Variants in WNK4 observed in about 807,000 individuals in gnomAD.
The protein encoded by WNK4 is serine/threonine-protein kinase WNK4.
In WNK4, 94 loss-of-function variants were observed where a neutral mutation model predicts 116.2. The observed-to-expected ratio is 0.81, with a 90% CI of 0.68 to 0.96. The LOEUF is 0.96. WNK4 is among the 40% of genes least tolerant of loss of function. WNK4 has a pLI of 0.00. For missense variants in WNK4, 1,542 were observed against 1,650.6 expected (o/e 0.93, Z 1.14); for synonymous variants, 655 against 672.7 (o/e 0.97, Z 0.41).
Position 42,796,558 on chromosome 17 carries a change from GC to G in WNK4, c.3711del (p.Asp1239MetfsTer29), listed in dbSNP as rs776464951. The G allele has an allele frequency of 3.1e-6, 5 of 1,614,188 alleles. No individual in the cohort carries two copies. Among genetic ancestry groups the G allele is most frequent in the Non-Finnish European group, 4.2e-6 (5 of 1,179,996 alleles). ...EQRASKGVTFAGDVGRM is the reference protein window; with the variant it reads ...EQRASKGVTFXGDVGRM Reference sequence around the variant, plus strand: ...GCGGGCAAGCAAGGGGGTGACATTCGCCGGGGATGTTGGCAGGATGGTGAGG... The same window carrying G: ...GCGGGCAAGCAAGGGGGTGACATTCGCGGGGATGTTGGCAGGATGGTGAGG... On this transcript the variant is annotated frameshift_variant, in exon 18 of 19. Coordinates refer to ENST00000246914, the MANE Select transcript of WNK4 (RefSeq NM_032387.5). LOFTEE classifies it high-confidence loss of function.
At chr17:42,793,902 G>T (rs2054632810) in intron 12 of WNK4, 173 bp downstream of exon 12, 1 of 769,272 alleles carries the variant, frequency 1.3e-6, no homozygotes, top group Non-Finnish European at 2.1e-6. Flanking sequence ...GCCCAGGCTG[G>T]AGTGCAGTGG....
chr17:42,793,953 C>T (rs756960034), intron 12 of WNK4: 6 of 506,090 alleles, frequency 1.2e-5, no homozygotes, highest in South Asian at 3.6e-5. Flanking sequence ...CCCGGGTTCA[C>T]GCCATTCTCC....
chr17:42,787,431 G>A lies in WNK4; in HGVS notation c.1630G>A (p.Val544Met), dbSNP rs778257029. The change falls in exon 7 of 19, where the codon GTG (valine) becomes ATG (methionine). Residue 544 changes from valine (V) to methionine (M), a missense_variant. Transcript: ENST00000246914. ...PPEPGPPPATVPMAPGPPSVF... is the reference protein window; with the variant it reads ...PPEPGPPPATMPMAPGPPSVF... ...AGAGCCAGGACCTCCACCAGCAACT[G>A]TGCCCATGGCCCCCGGTCCCCCCAG... 1 of 1,614,138 alleles carries A rather than the reference G, an allele frequency of 6.2e-7. No homozygotes were observed. The highest frequency in any genetic ancestry group is 2.2e-5 in the East Asian group (1 of 44,870).
intron 11 of WNK4, among the ~76,000 whole-genome samples, chr17:42,790,013 A>AT (rs1180673059): frequency 2.6e-5 from 4 of 152,064 alleles, no homozygotes; most frequent in African/African-American, 9.7e-5. Context: ...TCAAAAAAAA[A>AT]CAAAAACAAA....
chr17:42,782,384 G>A lies in WNK4; in HGVS notation c.619-374G>A, dbSNP rs541148776. ...TGCCGGCCCCAATTCCCTGCCCGCAGTATCCTGCTGCCCGCCTGCTGCCTG... is the reference window on the plus strand; with the variant it reads ...TGCCGGCCCCAATTCCCTGCCCGCAATATCCTGCTGCCCGCCTGCTGCCTG... On this transcript the variant is annotated intron_variant, in intron 1 of 18. Coordinates refer to ENST00000246914, the MANE Select transcript of WNK4 (RefSeq NM_032387.5). This position sits in a 1 kb window ranked among gnomAD's most constrained non-coding sequence, Gnocchi z 4.2. Among the ~76,000 whole-genome samples, 48 of 152,354 alleles carry A rather than the reference G, an allele frequency of 3.2e-4. No homozygotes were observed. The highest frequency in any genetic ancestry group is 1.2e-3 in the African/African-American group (48 of 41,586).
At position 42,784,707 on chromosome 17, in the gene WNK4, A is replaced by T; in HGVS notation, c.1170+128A>T. The stretch of plus-strand genomic sequence containing the variant: ...GCTAGACACAGAGTCGCCTTGGTGA[A>T]CACAGAAGGATATTGAGTGCACACG... On this transcript the variant is annotated intron_variant, in intron 4 of 18. Coordinates refer to ENST00000246914, the MANE Select transcript of WNK4 (RefSeq NM_032387.5). The surrounding 1 kb of genome is among the most constrained non-coding windows in gnomAD (Gnocchi z 4.4). 8.1e-7 allele frequency: 1 copy of T among 1,229,648 alleles called. No individual in the cohort carries two copies. Among genetic ancestry groups the T allele is most frequent in the Non-Finnish European group, 1.2e-6 (1 of 864,448 alleles). 76.2% of individuals were successfully genotyped at this position (1,229,648 alleles called of 1,614,324 possible).
rs1162911894 is a variant in WNK4, at chr17:42,794,864, A to G, written c.2443A>G (p.Asn815Asp). 1 of 1,613,604 alleles carries G rather than the reference A, an allele frequency of 6.2e-7. No individual in the cohort carries two copies. The highest frequency in any genetic ancestry group is 1.3e-5 in the African/African-American group (1 of 74,848). ...SSPGTPLSPGNPFSPGTPISP... is the reference protein window; with the variant it reads ...SSPGTPLSPGDPFSPGTPISP... ...TCCTGGAACTCCTTTGTCTCCTGGAAACCCATTTTCCCCTGGAACCCCCAT... is the reference window on the plus strand; with the variant it reads ...TCCTGGAACTCCTTTGTCTCCTGGAGACCCATTTTCCCCTGGAACCCCCAT... The change falls in exon 14 of 19, where the codon AAC (asparagine) becomes GAC (aspartate). Residue 815 changes from asparagine to aspartate, a missense_variant. Coordinates refer to ENST00000246914, the MANE Select transcript of WNK4 (RefSeq NM_032387.5).
At chr17:42,791,837 G>A (rs922593515) in intron 11 of WNK4, among the ~76,000 whole-genome samples, 1 of 151,526 alleles carries the variant, frequency 6.6e-6, no homozygotes, top group East Asian at 1.9e-4. Context: ...GGCAGTCCCA[G>A]CTACTCAAGA....
chr17:42,794,103 C>G (rs2054635950), intron 12 of WNK4: 1 of 334,356 alleles, frequency 3.0e-6, no homozygotes, highest in African/African-American at 2.2e-5. Context: ...ATCCGCCCTC[C>G]TCGGCCTCCC....
rs769629121 is a variant in WNK4 at position 42,788,810 on chromosome 17, G to C, written c.2157+13G>C. On this transcript the variant is annotated intron_variant, in intron 11 of 18. Coordinates refer to ENST00000246914, the MANE Select transcript of WNK4 (RefSeq NM_032387.5). ...TGCAGCTGCCATGGTGAGGGGGAGA[G>C]AGATGAGGACAGAGTGTTTGGATCT... 96 of 1,596,280 alleles carry C rather than the reference G, an allele frequency of 6.0e-5. No homozygotes were observed. Among genetic ancestry groups the C allele is most frequent in the Non-Finnish European group, 7.9e-5 (92 of 1,163,888 alleles).
chr17:42,787,404 C>G lies in WNK4; in HGVS notation c.1603C>G (p.Pro535Ala). 6.2e-7 allele frequency: 1 copy of G among 1,614,206 alleles called. No individual in the cohort carries two copies. The highest frequency in any genetic ancestry group is 8.5e-7 in the Non-Finnish European group (1 of 1,180,032). The change falls in exon 7 of 19, where the codon CCA (proline) becomes GCA (alanine). Residue 535 changes from proline to alanine, a missense_variant. Transcript: ENST00000246914. ...AGCAAGGGAATTGGAGGCACTCCCACCAGAGCCAGGACCTCCACCAGCAAC... is the reference window on the plus strand; with the variant it reads ...AGCAAGGGAATTGGAGGCACTCCCAGCAGAGCCAGGACCTCCACCAGCAAC... ...RKARELEALP[P>A]EPGPPPATVP...
Position 42,780,941 on chromosome 17 carries a change from G to A in WNK4, c.243G>A (p.Pro81=). ...SSWSLPASPA[P]DPPDPPDSAG... ...GGTCCCTGCCAGCCTCACCCGCTCC[G>A]GACCCCCCCGATCCTCCGGACTCCG... The change falls in exon 1 of 19, where the codon CCG becomes CCA. Residue 81 remains proline, a synonymous_variant. Coordinates refer to ENST00000246914, the MANE Select transcript of WNK4 (RefSeq NM_032387.5). The A allele has an allele frequency of 1.9e-6, 3 of 1,609,938 alleles. No individual in the cohort carries two copies. The highest frequency in any genetic ancestry group is 2.2e-5 in the East Asian group (1 of 44,878).
intron 2 of WNK4, chr17:42,783,477 G>A (rs932912875): frequency 2.0e-5 from 6 of 296,552 alleles, no homozygotes; most frequent in Non-Finnish European, 3.9e-5. Flanking sequence ...CTAAGCTCCA[G>A]ACACACCAAA....
intron 7 of WNK4, 88 bp from the exon 8 acceptor site, chr17:42,787,690 C>T: frequency 6.3e-7 from 1 of 1,598,896 alleles, no homozygotes; most frequent in Non-Finnish European, 8.5e-7. Flanking sequence ...CCCACAGCTC[C>T]AGGCCCCTCC....
In WNK4 at chr17:42,780,855, C is replaced by A. The variant is rs1273529123; in HGVS notation, c.157C>A (p.Arg53=). ...CCGCTTCTCCGGGAAGGCTGAGCCC[C>A]GGCCGCGCTCTTCTCGTCTCAGCCG... ...ARRFSGKAEP[R]PRSSRLSRRS... Residue 53 remains arginine, a synonymous_variant, in exon 1 of 19, where the codon CGG becomes AGG. Coordinates refer to ENST00000246914, the MANE Select transcript of WNK4 (RefSeq NM_032387.5). 1 of 1,602,890 alleles carries A rather than the reference C, an allele frequency of 6.2e-7. No homozygotes were observed. Among genetic ancestry groups the A allele is most frequent in the South Asian group, 1.1e-5 (1 of 91,010 alleles).
chr17:42,786,554 A>G (rs536368237), intron 6 of WNK4, among the ~76,000 whole-genome samples: 6 of 152,262 alleles, frequency 3.9e-5, no homozygotes, highest in South Asian at 2.1e-4. Flanking sequence ...CACAACGCCC[A>G]GCTAATTTTT....
chr17:42,784,283 G>A lies in WNK4; in HGVS notation c.1012+126G>A. ...AACTACCAGACGACAGGGAAGCTGA[G>A]GAGACCTATGGCACCCACCTCAACC... On this transcript the variant is annotated intron_variant, in intron 3 of 18. Coordinates refer to ENST00000246914, the MANE Select transcript of WNK4 (RefSeq NM_032387.5). The surrounding 1 kb of genome is among the most constrained non-coding windows in gnomAD (Gnocchi z 4.4). The A allele has an allele frequency of 2.6e-6, 4 of 1,537,196 alleles. No homozygotes were observed. Among genetic ancestry groups the A allele is most frequent in the Non-Finnish European group, 3.6e-6 (4 of 1,122,040 alleles).
In WNK4 at chr17:42,788,727, A is replaced by G. The variant is rs1336391677; in HGVS notation, c.2087A>G (p.His696Arg). Residue 696 changes from histidine to arginine, a missense_variant, in exon 11 of 19, where the codon CAT (histidine) becomes CGT (arginine). By Grantham distance (29) the His-to-Arg change is conservative. Coordinates refer to ENST00000246914, the MANE Select transcript of WNK4 (RefSeq NM_032387.5). Reference sequence around the variant, plus strand: ...GTGGTTGAGTGCCAGCTACAGACCCATAACAGCAAGATGGTGACCTTCCGA... The same window carrying G: ...GTGGTTGAGTGCCAGCTACAGACCCGTAACAGCAAGATGGTGACCTTCCGA... The part of the protein sequence containing the change: ...DRVVECQLQT[H>R]NSKMVTFRFD... 5 of 1,614,050 alleles carry G rather than the reference A, an allele frequency of 3.1e-6. No homozygotes were observed. Among genetic ancestry groups the G allele is most frequent in the African/African-American group, 2.7e-5 (2 of 74,912 alleles).
rs772162780 is a variant in WNK4, at chr17:42,782,739, C to G, written c.619-19C>G. 6.2e-7 allele frequency: 1 copy of G among 1,613,852 alleles called. No individual in the cohort carries two copies. Among genetic ancestry groups the G allele is most frequent in the South Asian group, 1.1e-5 (1 of 91,076 alleles). On this transcript the variant is annotated intron_variant, in intron 1 of 18. Coordinates refer to ENST00000246914, the MANE Select transcript of WNK4 (RefSeq NM_032387.5). This position sits in a 1 kb window ranked among gnomAD's most constrained non-coding sequence, Gnocchi z 4.2. ...TGGGTGTCCTGGGCCTGACATGACACCCGTCCCCCATCCCACAGACTCGGA... is the reference window on the plus strand; with the variant it reads ...TGGGTGTCCTGGGCCTGACATGACAGCCGTCCCCCATCCCACAGACTCGGA...
Sources: allele counts gnomAD v4.1 joint callset (sites outside exome capture counted in the v4.1 genomes callset), GRCh38; gene constraint gnomAD v4.1.1; non-coding constraint Gnocchi (gnomAD v3.1); transcripts MANE v1.5; gene names NCBI Gene and HGNC (gene_info 2026-07-23, HGNC 2026-07-21).